Variants in PHF3 observed in about 807,000 individuals in gnomAD.
PHF3 encodes the protein PHD finger protein 3.
A neutral mutation model predicts 178.4 loss-of-function variants in PHF3; 41 were observed. The ratio of observed to expected loss-of-function variants is 0.23; its 90% confidence interval spans 0.18 to 0.30. PHF3 has a LOEUF of 0.30. Ranked by LOEUF, PHF3 falls within the 10% of genes least tolerant of loss-of-function variation. The probability of loss-of-function intolerance (pLI) is 1.00; values close to 1 mark genes in which losing one functional copy is unlikely to be tolerated. For missense variants in PHF3, 2,346 were observed against 2,398.1 expected (o/e 0.98, Z 0.45); for synonymous variants, 842 against 800.5 (o/e 1.05, Z -0.88).
intron 1 of PHF3, among the ~76,000 whole-genome samples, chr6:63,641,257 C>T (rs1280311310): frequency 6.6e-6 from 1 of 152,166 alleles, no homozygotes; most frequent in African/African-American, 2.4e-5. Context: ...TTGATCACTA[C>T]CTCACTTGAG....
rs1187165272 is a variant in PHF3, at chr6:63,719,253, A to G, written c.*5545A>G. On this transcript the variant is annotated 3_prime_UTR_variant, in exon 16 of 16. Coordinates refer to ENST00000262043, the MANE Select transcript of PHF3 (RefSeq NM_001370348.2). Reference sequence around the variant, plus strand: ...AGACAAAAATCTCTAATAGTTTTTGAATGATAAATTACTACCTCGTTACTT... The same window carrying G: ...AGACAAAAATCTCTAATAGTTTTTGGATGATAAATTACTACCTCGTTACTT... Among the ~76,000 whole-genome samples the G allele has an allele frequency of 1.3e-5, 2 of 152,090 alleles. No homozygotes were observed. The highest frequency in any genetic ancestry group is 2.9e-5 in the Non-Finnish European group (2 of 67,966).
At chr6:63,654,142 T>G (rs1337563930) in intron 2 of PHF3, among the ~76,000 whole-genome samples, 1 of 152,178 alleles carries the variant, frequency 6.6e-6, no homozygotes, top group Non-Finnish European at 1.5e-5. Context: ...ACAGAATGGG[T>G]TAGGAAGAAT....
At position 63,713,880 on chromosome 6, in the gene PHF3, A is replaced by G; in HGVS notation, c.*172A>G. On this transcript the variant is annotated 3_prime_UTR_variant, in exon 16 of 16. Coordinates refer to ENST00000262043, the MANE Select transcript of PHF3 (RefSeq NM_001370348.2). ...TACAGAGTGCTCTGTACCAGTGCTC[A>G]TCATCCCTTCTTCATACCAACGGTC... is the stretch of plus-strand genomic sequence containing the variant. The G allele has an allele frequency of 2.1e-6, 1 of 473,580 alleles. No homozygotes were observed. The highest frequency in any genetic ancestry group is 5.6e-5 in the South Asian group (1 of 17,980). 29.3% of individuals were successfully genotyped at this position (473,580 alleles called of 1,614,324 possible). A position where few individuals can be genotyped will look rare whatever the true frequency, so the allele number is the denominator to read the frequency against.
chr6:63,686,558 C>G (rs531040130), intron 4 of PHF3, among the ~76,000 whole-genome samples: 1 of 152,100 alleles, frequency 6.6e-6, no homozygotes, highest in Non-Finnish European at 1.5e-5. Context: ...CACTGACTTT[C>G]ATCATTCTTT....
At chr6:63,676,311 G>T (rs887279703) in intron 2 of PHF3, among the ~76,000 whole-genome samples, 1 of 152,206 alleles carries the variant, frequency 6.6e-6, no homozygotes, top group East Asian at 1.9e-4. Flanking sequence ...TTACACTCTA[G>T]TGGAGAAGAC....
intron 2 of PHF3, among the ~76,000 whole-genome samples, chr6:63,664,425 T>C (rs779201372): frequency 6.6e-6 from 1 of 152,182 alleles, no homozygotes; most frequent in Non-Finnish European, 1.5e-5. Flanking sequence ...TACTTGTGTA[T>C]TGGAGATATT....
At chr6:63,647,881 C>G (rs1764857173) in intron 2 of PHF3, among the ~76,000 whole-genome samples, 1 of 152,092 alleles carries the variant, frequency 6.6e-6, no homozygotes. Context: ...GTAAATAGTT[C>G]TCAGGTTTAT....
At position 63,717,436 on chromosome 6, in the gene PHF3, C is replaced by A. The variant is rs1768224349; in HGVS notation, c.*3728C>A. 6.6e-6 allele frequency among the ~76,000 whole-genome samples: 1 copy of A among 152,060 alleles called. No homozygotes were observed. The highest frequency in any genetic ancestry group is 1.5e-5 in the Non-Finnish European group (1 of 67,958). On this transcript the variant is annotated 3_prime_UTR_variant, in exon 16 of 16. Coordinates refer to ENST00000262043, the MANE Select transcript of PHF3 (RefSeq NM_001370348.2). ...ACTATATACACAATCAGGTTTATTT[C>A]TGTCTCTTAAAGCAAATTGCAAATA...
rs529904797 is a variant in PHF3 at position 63,714,606 on chromosome 6, T to A, written c.*898T>A. On this transcript the variant is annotated 3_prime_UTR_variant, in exon 16 of 16. Transcript: ENST00000262043. ...TAGATGAGGGGAAAAACAATTTTTT[T>A]AAAATCTTAAATTGTAGGCTGAGAT... The A allele has an allele frequency of 4.1e-4, 62 of 152,502 alleles. No homozygotes were observed. Among genetic ancestry groups the A allele is most frequent in the African/African-American group, 1.4e-3 (59 of 41,534 alleles). The allele number at this position is 152,502 out of a possible 1,614,324, so 9.4% of individuals were successfully genotyped here. A position where few individuals can be genotyped will look rare whatever the true frequency, so the allele number is the denominator to read the frequency against.
intron 4 of PHF3, among the ~76,000 whole-genome samples, chr6:63,687,030 A>T (rs1766739630): frequency 6.6e-6 from 1 of 152,234 alleles, no homozygotes; most frequent in South Asian, 2.1e-4. Flanking sequence ...GTTTATAACA[A>T]TATATTCCAG....
In PHF3 at chr6:63,646,611, A is replaced by G. The variant is rs1180560632; in HGVS notation, c.60A>G (p.Leu20=). ...LIPTEHLDDA[L]FLGSNLENEV... ...CTACTGAACACTTAGATGATGCCCT[A>G]TTTCTAGGATCCAACCTGGAGAATG... The change falls in exon 2 of 16, where the codon CTA becomes CTG. Residue 20 remains leucine (L), a synonymous_variant. Transcript: ENST00000262043. The G allele has an allele frequency of 3.1e-6, 5 of 1,613,726 alleles. No homozygotes were observed. The highest frequency in any genetic ancestry group is 1.3e-5 in the African/African-American group (1 of 75,010).
intron 2 of PHF3, among the ~76,000 whole-genome samples, chr6:63,650,460 CAT>C (rs890082366): frequency 6.6e-6 from 1 of 152,172 alleles, no homozygotes; most frequent in African/African-American, 2.4e-5. Context: ...GCTTACATCA[CAT>C]GTTGCTTTCC....
At chr6:63,691,713 GT>G (rs1273643547) in intron 4 of PHF3, 23 bp from the exon 5 acceptor site, 2 of 1,530,754 alleles carry the variant, frequency 1.3e-6, no homozygotes, top group Non-Finnish European at 1.8e-6. Context: ...AGGGATAAAA[GT>G]TTTTTGGTGT....
Position 63,694,648 on chromosome 6 carries a change from C to G in PHF3, c.2564C>G (p.Pro855Arg). 3 of 1,589,938 alleles carry G rather than the reference C, an allele frequency of 1.9e-6. No homozygotes were observed. Among genetic ancestry groups the G allele is most frequent in the Non-Finnish European group, 2.6e-6 (3 of 1,166,918 alleles). ...DNEIKKWQLA[P>R]LRKMGQPVLP... ...GAAATTAAAAAATGGCAGCTAGCTC[C>G]TCTTCGTAAGATGGGACAACCAGTT... The change falls in exon 6 of 16, where the codon CCT (proline) becomes CGT (arginine). Residue 855 changes from proline to arginine, a missense_variant. Physicochemically the swap from Pro to Arg is moderately radical, Grantham distance 103. This residue lies in a region of PHF3 where 252 missense variants were observed against 232.0 expected (regional missense o/e 1.09). Coordinates refer to ENST00000262043, the MANE Select transcript of PHF3 (RefSeq NM_001370348.2).
At chr6:63,660,104 G>T (rs1765402758) in intron 2 of PHF3, among the ~76,000 whole-genome samples, 2 of 151,942 alleles carry the variant, frequency 1.3e-5, no homozygotes, top group Admixed American at 6.6e-5. Flanking sequence ...TCTTTTTCCT[G>T]TTTAAAGAAT....
intron 1 of PHF3, among the ~76,000 whole-genome samples, chr6:63,638,271 G>A (rs1764432826): frequency 6.6e-6 from 1 of 152,064 alleles, no homozygotes; most frequent in African/African-American, 2.4e-5. Flanking sequence ...GCAGCAAGTG[G>A]CAATTTGGAG....
chr6:63,709,290 T>TA (rs772168246), intron 14 of PHF3, 50 bp downstream of exon 14: 2 of 1,223,798 alleles, frequency 1.6e-6, no homozygotes, highest in Non-Finnish European at 2.4e-6. Flanking sequence ...GTTTAGAAAG[T>TA]AAACAGTTTA....
intron 2 of PHF3, among the ~76,000 whole-genome samples, chr6:63,669,743 T>G (rs1017030178): frequency 6.6e-6 from 1 of 152,166 alleles, no homozygotes; most frequent in Middle Eastern, 3.2e-3. Context: ...TCTAAACTGT[T>G]CATAAGAGGC....
rs183589498 is a variant in PHF3, at chr6:63,720,822, A to G, written c.*7114A>G. 177 of 1,551,248 alleles carry G rather than the reference A, an allele frequency of 1.1e-4. 1 individual carries two copies. The East Asian group carries it at 2.5e-3, about 22-fold the overall frequency. On this transcript the variant is annotated 3_prime_UTR_variant, in exon 16 of 16. Transcript: ENST00000262043. The stretch of plus-strand genomic sequence containing the variant: ...AGCCACAAAGTTTTTATGTGGATCA[A>G]TATCCTCGGAAAGAATTAGACTGTT...
Sources: allele counts gnomAD v4.1 joint callset (sites outside exome capture counted in the v4.1 genomes callset), GRCh38; gene constraint gnomAD v4.1.1; regional missense constraint gnomAD v4.1.1; transcripts MANE v1.5; gene names NCBI Gene and HGNC (gene_info 2026-07-23, HGNC 2026-07-21).